NRG1: variants seen among roughly 807,000 people sequenced by gnomAD.
The protein encoded by NRG1 is pro-neuregulin-1, membrane-bound isoform.
In NRG1, 18 loss-of-function variants were observed where a neutral mutation model predicts 63.8. That is an observed-to-expected ratio of 0.28 (90% CI 0.19 to 0.42). The LOEUF (loss-of-function observed/expected upper bound fraction) is 0.42. Among genes scored for constraint, NRG1 ranks in the 10% least tolerant of loss-of-function variants. The pLI, the probability that NRG1 is intolerant of heterozygous loss-of-function variation, is 1.00. For missense variants in NRG1, 762 were observed against 814.7 expected, an observed-to-expected ratio of 0.94 and a Z score of 0.79; for synonymous variants, 302 against 301.3, an observed-to-expected ratio of 1.00 and a Z score of -0.02.
At position 32,434,184 on chromosome 8, in the gene NRG1, C is replaced by CAAAATAAAATAAAAT. The variant is rs71208182; in HGVS notation, c.38-161624_38-161610dup. On this transcript the variant is annotated intron_variant, in intron 1 of 10. Coordinates refer to the NRG1 transcript ENST00000519301. ...CTGGCGACAGAATGAGACTCCATCTCAAAATAAAATAAAATAAAATAAAAT... is the reference window on the plus strand; with the variant it reads ...CTGGCGACAGAATGAGACTCCATCTCAAAATAAAATAAAATAAAATAAAATAAAATAAAATAAAAT... Among the ~76,000 whole-genome samples, 760 of 146,434 alleles carry CAAAATAAAATAAAAT rather than the reference C, an allele frequency of 5.2e-3. 6 individuals carry two copies. Among genetic ancestry groups the CAAAATAAAATAAAAT allele is most frequent in the African/African-American group, 0.013 (515 of 39,630 alleles).
At chr8:31,777,808 G>A (rs1819294963) in intron 1 of NRG1, among the ~76,000 whole-genome samples, 1 of 152,088 alleles carries the variant, frequency 6.6e-6, no homozygotes, top group Non-Finnish European at 1.5e-5. Flanking sequence ...GGTTGGCAGG[G>A]GGTGTGTGGG....
intron 1 of NRG1, among the ~76,000 whole-genome samples, chr8:31,927,273 G>A (rs1403955847): frequency 1.3e-5 from 2 of 152,018 alleles, no homozygotes; most frequent in Non-Finnish European, 2.9e-5. Flanking sequence ...CCAGTCCACA[G>A]ACTGTCTTGT....
At chr8:32,300,199 C>T (rs576209965) in intron 1 of NRG1, among the ~76,000 whole-genome samples, 1 of 151,918 alleles carries the variant, frequency 6.6e-6, no homozygotes, top group African/African-American at 2.4e-5. Flanking sequence ...CTGAAAAAAA[C>T]GTGCAATATG....
intron 1 of NRG1, among the ~76,000 whole-genome samples, chr8:32,193,254 T>TTGATGA (rs1842662967): frequency 6.6e-6 from 1 of 152,056 alleles, no homozygotes; most frequent in Non-Finnish European, 1.5e-5. Flanking sequence ...AGTGACCCTG[T>TTGATGA]TGATGATGAT....
intron 1 of NRG1, among the ~76,000 whole-genome samples, chr8:32,231,206 A>T (rs1846898201): frequency 6.6e-6 from 1 of 152,318 alleles, no homozygotes; most frequent in African/African-American, 2.4e-5. Flanking sequence ...ATTTTTAATT[A>T]AAAAAGGAGA....
chr8:32,757,312 T>C (rs1178347639), intron 9 of NRG1, among the ~76,000 whole-genome samples: 4 of 152,196 alleles, frequency 2.6e-5, no homozygotes, highest in African/African-American at 9.7e-5. Flanking sequence ...TTTTGGAGTA[T>C]TGCTCTTTAT....
chr8:32,681,453 C>A (rs915429560), intron 5 of NRG1, among the ~76,000 whole-genome samples: 4 of 152,066 alleles, frequency 2.6e-5, no homozygotes, highest in Admixed American at 6.6e-5. Context: ...TCTTCTGCAC[C>A]TTTTCCTGTG....
intron 1 of NRG1, among the ~76,000 whole-genome samples, chr8:31,642,527 ATGT>A (rs1046593545): frequency 2.9e-4 from 44 of 152,316 alleles, no homozygotes; most frequent in Non-Finnish European, 5.1e-4. Flanking sequence ...TGGAAAACTC[ATGT>A]TGTTTGGAGG....
chr8:32,303,809 C>T (rs1041815360), intron 1 of NRG1, among the ~76,000 whole-genome samples: 1 of 152,112 alleles, frequency 6.6e-6, no homozygotes, highest in Non-Finnish European at 1.5e-5. Flanking sequence ...TGGTGGAGTA[C>T]TGCATCATGA....
rs76839734 is a variant in NRG1 at position 32,280,257 on chromosome 8, G to A, written c.38-315571G>A. Reference sequence around the variant, plus strand: ...ATTCCGTTTGACTTCCCTTGGCAGGGAATACGCACGCACACTTTCTAAAGG... The same window carrying A: ...ATTCCGTTTGACTTCCCTTGGCAGGAAATACGCACGCACACTTTCTAAAGG... On this transcript the variant is annotated intron_variant, in intron 1 of 10. Coordinates refer to the NRG1 transcript ENST00000519301. Among the ~76,000 whole-genome samples the A allele has an allele frequency of 5.1e-3, 784 of 152,308 alleles. 3 individuals carry two copies. Among genetic ancestry groups the A allele is most frequent in the Non-Finnish European group, 9.3e-3 (632 of 68,026 alleles).
chr8:32,103,581 C>G (rs1371568628), intron 1 of NRG1, among the ~76,000 whole-genome samples: 1 of 152,118 alleles, frequency 6.6e-6, no homozygotes. Context: ...TATGGTAGCT[C>G]TGTATTTAGT....
intron 1 of NRG1, among the ~76,000 whole-genome samples, chr8:31,709,254 G>A (rs1811497801): frequency 6.8e-6 from 1 of 147,806 alleles, no homozygotes; most frequent in Non-Finnish European, 1.5e-5. Context: ...ATTATCTTGT[G>A]CTGTATCTCT....
At chr8:31,773,358 C>T (rs188327055) in intron 1 of NRG1, among the ~76,000 whole-genome samples, 1 of 152,252 alleles carries the variant, frequency 6.6e-6, no homozygotes, top group Non-Finnish European at 1.5e-5. Context: ...ATTTGAGTTT[C>T]AGTATTCCTC....
intron 1 of NRG1, among the ~76,000 whole-genome samples, chr8:32,195,257 G>C (rs1842848493): frequency 6.6e-6 from 1 of 151,994 alleles, no homozygotes; most frequent in Non-Finnish European, 1.5e-5. Flanking sequence ...AACATGGTGA[G>C]ATCCCCTATC....
chr8:32,158,716 A>G (rs1417063255), intron 1 of NRG1, among the ~76,000 whole-genome samples: 1 of 151,882 alleles, frequency 6.6e-6, no homozygotes, highest in Non-Finnish European at 1.5e-5. Context: ...TTCCCTCCCC[A>G]GGGACATACA....
At chr8:32,145,703 C>G (rs1436864572) in intron 1 of NRG1, among the ~76,000 whole-genome samples, 2 of 152,202 alleles carry the variant, frequency 1.3e-5, no homozygotes, top group Non-Finnish European at 2.9e-5. Context: ...AATCCTATGA[C>G]TTTTAGATGA....
chr8:31,914,971 C>A, intron 1 of NRG1, among the ~76,000 whole-genome samples: 1 of 151,780 alleles, frequency 6.6e-6, no homozygotes, highest in East Asian at 1.9e-4. Context: ...TTTTAAATTC[C>A]CACAATTATC....
intron 1 of NRG1, among the ~76,000 whole-genome samples, chr8:31,739,926 A>G (rs567072314): frequency 1.5e-4 from 23 of 152,236 alleles, no homozygotes; most frequent in Middle Eastern, 6.8e-3. Flanking sequence ...AGTTCAAAAT[A>G]AAAAGACACA....
At chr8:32,197,458 C>T (rs1302333112) in intron 1 of NRG1, among the ~76,000 whole-genome samples, 1 of 152,214 alleles carries the variant, frequency 6.6e-6, no homozygotes, top group Non-Finnish European at 1.5e-5. Flanking sequence ...GCTGCCTACA[C>T]ACCCATGGGG....
Sources: gnomAD v4.1 joint callset for allele counts (sites outside exome capture counted in the v4.1 genomes callset) on GRCh38, gnomAD v4.1.1 for gene constraint, MANE v1.5 for transcripts, NCBI Gene and HGNC (gene_info 2026-07-23, HGNC 2026-07-21) for gene names.